Variants in ATXN1 observed in about 807,000 individuals in gnomAD.
ATXN1 encodes ataxin 1, also known as ataxin-1.
In ATXN1, 8 loss-of-function variants were observed where a neutral mutation model predicts 56.4. That is an observed-to-expected ratio of 0.14 (90% CI 0.08 to 0.26). The LOEUF is 0.26. ATXN1 is among the 10% of genes least tolerant of loss of function. The pLI, the probability that ATXN1 is intolerant of heterozygous loss-of-function variation, is 1.00. For missense variants in ATXN1, 987 were observed against 1,106.5 expected, an observed-to-expected ratio of 0.89 and a Z score of 1.53; for synonymous variants, 514 against 494.6, an observed-to-expected ratio of 1.04 and a Z score of -0.52.
At chr6:16,382,867 G>C (rs1191686416) in intron 6 of ATXN1, among the ~76,000 whole-genome samples, 1 of 148,670 alleles carries the variant, frequency 6.7e-6, no homozygotes, top group Non-Finnish European at 1.5e-5. Flanking sequence ...TTGGCCAAGT[G>C]TTCCTGGGAA....
At chr6:16,569,101 T>C (rs1214955759) in intron 4 of ATXN1, among the ~76,000 whole-genome samples, 1 of 152,194 alleles carries the variant, frequency 6.6e-6, no homozygotes, top group African/African-American at 2.4e-5. Context: ...ACACCTGGTT[T>C]CTAGCGGCAG....
intron 3 of ATXN1, among the ~76,000 whole-genome samples, chr6:16,653,194 G>A (rs1418290013): frequency 6.6e-6 from 1 of 152,188 alleles, no homozygotes; most frequent in Non-Finnish European, 1.5e-5. Flanking sequence ...TTCAGGAGGT[G>A]CACCAGAAGC....
chr6:16,567,030 G>C (rs1381272008), intron 4 of ATXN1, among the ~76,000 whole-genome samples: 1 of 152,176 alleles, frequency 6.6e-6, no homozygotes, highest in Non-Finnish European at 1.5e-5. Context: ...CCTTTAAATA[G>C]TACTCTACAG....
chr6:16,517,588 C>G (rs559762627), intron 5 of ATXN1, among the ~76,000 whole-genome samples: 13 of 152,164 alleles, frequency 8.5e-5, no homozygotes, highest in African/African-American at 3.1e-4. Flanking sequence ...TTAACAGGTT[C>G]CCCAGTTCTT....
intron 5 of ATXN1, among the ~76,000 whole-genome samples, chr6:16,500,469 G>A (rs535113101): frequency 7.2e-5 from 11 of 152,284 alleles, no homozygotes; most frequent in Non-Finnish European, 1.3e-4. Context: ...GGAATGGGAC[G>A]AGGGGATAAC....
intron 2 of ATXN1, among the ~76,000 whole-genome samples, chr6:16,714,161 A>C (rs1759584870): frequency 1.3e-5 from 1 of 77,490 alleles, no homozygotes; most frequent in Admixed American, 1.6e-4. Context: ...GAAAAAAAGA[A>C]AGAAAAAAAA....
chr6:16,604,946 A>G, intron 3 of ATXN1, among the ~76,000 whole-genome samples: 1 of 151,994 alleles, frequency 6.6e-6, no homozygotes, highest in East Asian at 1.9e-4. Flanking sequence ...TGGGAATCAG[A>G]TGTTTTCATG....
intron 2 of ATXN1, among the ~76,000 whole-genome samples, chr6:16,726,999 A>G (rs973133580): frequency 6.6e-6 from 1 of 152,158 alleles, no homozygotes; most frequent in Non-Finnish European, 1.5e-5. Flanking sequence ...TACAAAAGCT[A>G]TTTTTTCCAG....
intron 6 of ATXN1, among the ~76,000 whole-genome samples, chr6:16,414,638 GAAC>G (rs1435636646): frequency 2.6e-5 from 4 of 152,120 alleles, no homozygotes; most frequent in East Asian, 1.9e-4. Flanking sequence ...ATGCAAAACT[GAAC>G]AACAACAACA....
At chr6:16,483,740 G>C (rs1760485194) in intron 6 of ATXN1, among the ~76,000 whole-genome samples, 1 of 152,014 alleles carries the variant, frequency 6.6e-6, no homozygotes, top group African/African-American at 2.4e-5. Context: ...GGTCTGACAG[G>C]GTGTCACATG....
intron 1 of ATXN1, among the ~76,000 whole-genome samples, chr6:16,759,698 ATT>A (rs200701562): frequency 6.6e-6 from 1 of 151,028 alleles, no homozygotes; most frequent in African/African-American, 2.4e-5. Context: ...TTAGAAACGG[ATT>A]TTTTTTTGTT....
chr6:16,677,588 G>A (rs976683250), intron 2 of ATXN1, among the ~76,000 whole-genome samples: 1 of 152,102 alleles, frequency 6.6e-6, no homozygotes, highest in African/African-American at 2.4e-5. Flanking sequence ...TATCTCATCT[G>A]TTTTGCCTGT....
At chr6:16,507,257 T>C (rs1336753085) in intron 5 of ATXN1, among the ~76,000 whole-genome samples, 2 of 152,212 alleles carry the variant, frequency 1.3e-5, no homozygotes, top group Non-Finnish European at 2.9e-5. Context: ...TTCTAATATA[T>C]GGTATTTAGA....
chr6:16,714,210 C>G (rs1284013320), intron 2 of ATXN1, among the ~76,000 whole-genome samples: 8 of 138,378 alleles, frequency 5.8e-5, no homozygotes, highest in African/African-American at 2.2e-4. Context: ...CACACACACA[C>G]ACACACACAC....
chr6:16,609,815 A>C (rs183357047), intron 3 of ATXN1, among the ~76,000 whole-genome samples: 1 of 152,334 alleles, frequency 6.6e-6, no homozygotes, highest in East Asian at 1.9e-4. Flanking sequence ...AATAGAAACA[A>C]GTTTCAGACA....
At chr6:16,565,161 G>C (rs964874231) in intron 4 of ATXN1, among the ~76,000 whole-genome samples, 2 of 152,166 alleles carry the variant, frequency 1.3e-5, no homozygotes, top group Non-Finnish European at 2.9e-5. Context: ...ACAGGCGAAA[G>C]CTTTAAAGTG....
intron 6 of ATXN1, among the ~76,000 whole-genome samples, chr6:16,351,559 C>T (rs892863490): frequency 4.6e-5 from 7 of 152,074 alleles, no homozygotes; most frequent in South Asian, 2.1e-4. Context: ...CATGCCACCA[C>T]GCCCAGCTAA....
intron 6 of ATXN1, among the ~76,000 whole-genome samples, chr6:16,388,091 A>G (rs543242168): frequency 6.6e-6 from 1 of 152,350 alleles, no homozygotes; most frequent in East Asian, 1.9e-4. Flanking sequence ...ATGATGGCCA[A>G]TAACCCAAAG....
At chr6:16,451,802 G>A (rs1352873977) in intron 6 of ATXN1, among the ~76,000 whole-genome samples, 3 of 151,670 alleles carry the variant, frequency 2.0e-5, no homozygotes, top group African/African-American at 7.3e-5. Flanking sequence ...GAAACGTGGA[G>A]TTTGTAATTA....
Sources: allele counts gnomAD v4.1 joint callset (sites outside exome capture counted in the v4.1 genomes callset), GRCh38; gene constraint gnomAD v4.1.1; transcripts MANE v1.5; gene names NCBI Gene and HGNC (gene_info 2026-07-23, HGNC 2026-07-21).